The following NRXN1 variants were observed in gnomAD, a reference collection of about 807,000 sequenced individuals.
NRXN1 encodes neurexin-1.
NRXN1 carries 39 observed loss-of-function variants against 150.9 expected under a neutral mutation model. The observed-to-expected ratio is 0.26, with a 90% CI of 0.20 to 0.34. NRXN1 has a LOEUF of 0.34. Ranked by LOEUF, NRXN1 falls within the 10% of genes least tolerant of loss-of-function variation. NRXN1 has a pLI of 1.00. For missense variants in NRXN1, 1,815 were observed against 1,949.9 expected (o/e 0.93, Z 1.30); for synonymous variants, 924 against 757.0 (o/e 1.22, Z -3.62).
At chr2:50,788,387 T>C (rs1705443995) in intron 5 of NRXN1, among the ~76,000 whole-genome samples, 1 of 151,992 alleles carries the variant, frequency 6.6e-6, no homozygotes, top group Non-Finnish European at 1.5e-5. Flanking sequence ...GCGCCCGGCC[T>C]CCCCACTGGT....
intron 5 of NRXN1, among the ~76,000 whole-genome samples, chr2:50,657,969 G>T (rs1221036100): frequency 2.0e-5 from 3 of 152,064 alleles, no homozygotes; most frequent in African/African-American, 7.2e-5. Flanking sequence ...CAATAAATTA[G>T]CAAGTAGACA....
chr2:50,074,910 G>A (rs1430854033), intron 19 of NRXN1, among the ~76,000 whole-genome samples: 1 of 151,088 alleles, frequency 6.6e-6, no homozygotes, highest in Non-Finnish European at 1.5e-5. Context: ...CAGTCATTAT[G>A]CTTAGTTTAT....
rs370496844 is a variant in NRXN1, at chr2:50,989,395, CACTT to C, written c.772+38103_772+38106del. Among the ~76,000 whole-genome samples, 515 of 152,026 alleles carry C rather than the reference CACTT, an allele frequency of 3.4e-3. 3 individuals are homozygous for C. The highest frequency in any genetic ancestry group is 0.011 in the African/African-American group (470 of 41,526). Reference sequence around the variant, plus strand: ...GGGTAATTATATGAATCTTGACAAACACTTACAGTCAGATAACCACCAATACAAT... The same window carrying C: ...GGGTAATTATATGAATCTTGACAAACACAGTCAGATAACCACCAATACAAT... On this transcript the variant is annotated intron_variant, in intron 2 of 22. Transcript: ENST00000401669.
chr2:50,520,867 A>T (rs892699048), intron 12 of NRXN1, among the ~76,000 whole-genome samples: 2 of 152,030 alleles, frequency 1.3e-5, no homozygotes, highest in African/African-American at 4.8e-5. Context: ...GCATTATTTG[A>T]TTTAAAAATT....
chr2:49,951,800 G>A (rs926073908), intron 21 of NRXN1, among the ~76,000 whole-genome samples: 8 of 151,694 alleles, frequency 5.3e-5, no homozygotes, highest in African/African-American at 1.5e-4. Flanking sequence ...ATGGATTGGT[G>A]GACTAATTAA....
intron 19 of NRXN1, among the ~76,000 whole-genome samples, chr2:50,089,470 G>A (rs1167977525): frequency 1.3e-5 from 2 of 152,092 alleles, no homozygotes; most frequent in Non-Finnish European, 2.9e-5. Flanking sequence ...ATTTTATTAA[G>A]GTTTTAGCTA....
At chr2:50,553,493 G>T (rs1028608812) in intron 8 of NRXN1, among the ~76,000 whole-genome samples, 1 of 152,024 alleles carries the variant, frequency 6.6e-6, no homozygotes, top group African/African-American at 2.4e-5. Flanking sequence ...TAAAATATTG[G>T]ATCTCTTCTA....
chr2:50,529,745 C>G (rs909902500), intron 11 of NRXN1, among the ~76,000 whole-genome samples: 1 of 152,174 alleles, frequency 6.6e-6, no homozygotes, highest in Admixed American at 6.6e-5. Context: ...TGACTAACAG[C>G]AGCTTTACTG....
At chr2:50,960,450 T>G (rs1339205966) in intron 2 of NRXN1, among the ~76,000 whole-genome samples, 1 of 151,828 alleles carries the variant, frequency 6.6e-6, no homozygotes, top group Non-Finnish European at 1.5e-5. Context: ...TACCAAGGTC[T>G]GTTTTGACCT....
chr2:49,935,242 A>G (rs749254773), intron 22 of NRXN1, among the ~76,000 whole-genome samples: 1 of 152,230 alleles, frequency 6.6e-6, no homozygotes, highest in African/African-American at 2.4e-5. Flanking sequence ...CAGAGATTCA[A>G]TGACTTGCCT....
chr2:49,957,383 C>T (rs1675160488), intron 21 of NRXN1, among the ~76,000 whole-genome samples: 3 of 152,094 alleles, frequency 2.0e-5, no homozygotes, highest in Admixed American at 2.0e-4. Flanking sequence ...AACCAGCTTT[C>T]AAAATGAATG....
intron 17 of NRXN1, among the ~76,000 whole-genome samples, chr2:50,452,486 G>C (rs1478071854): frequency 2.0e-5 from 3 of 152,070 alleles, no homozygotes; most frequent in Non-Finnish European, 4.4e-5. Flanking sequence ...CTTGCTCAAG[G>C]CCACATACTG....
At chr2:49,965,025 G>A in intron 21 of NRXN1, among the ~76,000 whole-genome samples, 1 of 151,746 alleles carries the variant, frequency 6.6e-6, no homozygotes, top group Non-Finnish European at 1.5e-5. Flanking sequence ...AGGTGCAGGT[G>A]CACACCACCA....
intron 21 of NRXN1, among the ~76,000 whole-genome samples, chr2:49,958,505 G>A (rs765526276): frequency 6.6e-6 from 1 of 151,962 alleles, no homozygotes; most frequent in African/African-American, 2.4e-5. Flanking sequence ...TTTCCTTCCC[G>A]CACACCTCTG....
At chr2:50,444,782 T>G in intron 17 of NRXN1, among the ~76,000 whole-genome samples, 1 of 152,188 alleles carries the variant, frequency 6.6e-6, no homozygotes, top group East Asian at 1.9e-4. Flanking sequence ...TCCTGAGCTG[T>G]ACTGGAGCCT....
chr2:50,612,852 G>A (rs567450484), intron 8 of NRXN1, among the ~76,000 whole-genome samples: 4 of 152,176 alleles, frequency 2.6e-5, no homozygotes, highest in South Asian at 4.2e-4. Context: ...ACCTGCGTGC[G>A]TTATTGTGAA....
At chr2:50,473,864 C>G (rs922374121) in intron 15 of NRXN1, among the ~76,000 whole-genome samples, 10 of 151,926 alleles carry the variant, frequency 6.6e-5, no homozygotes, top group Non-Finnish European at 1.3e-4. Context: ...AGGGTAAAAT[C>G]AAACCACAGA....
chr2:50,937,476 G>A (rs1452508229), intron 2 of NRXN1, among the ~76,000 whole-genome samples: 1 of 152,064 alleles, frequency 6.6e-6, no homozygotes, highest in African/African-American at 2.4e-5. Context: ...GCTTTCTTAA[G>A]TTGTATTCTC....
rs12464006 is a variant in NRXN1, at chr2:50,931,213, T to C, written c.773-5258A>G. Among the ~76,000 whole-genome samples, 420 of 152,260 alleles carry C rather than the reference T, an allele frequency of 2.8e-3. 5 individuals carry two copies. Among genetic ancestry groups the C allele is most frequent in the East Asian group, 0.023 (120 of 5,172 alleles). On this transcript the variant is annotated intron_variant, in intron 2 of 22. Transcript: ENST00000401669. ...GAGCTGTCAAATGTCTACTGGTATA[T>C]AAATTTTTTTCACCATTTTTTTTCA...
Sources: gnomAD v4.1 joint callset for allele counts (sites outside exome capture counted in the v4.1 genomes callset) on GRCh38, gnomAD v4.1.1 for gene constraint, MANE v1.5 for transcripts, NCBI Gene and HGNC (gene_info 2026-07-23, HGNC 2026-07-21) for gene names.